Variants in ABCA13 observed in about 807,000 individuals in gnomAD.
ABCA13 encodes ATP binding cassette subfamily A member 13, also known as ATP-binding cassette sub-family A member 13.
ABCA13 carries 476 observed loss-of-function variants against 478.7 expected under a neutral mutation model. The ratio of observed to expected loss-of-function variants is 0.99; its 90% CI spans 0.92 to 1.07. ABCA13 has a LOEUF of 1.07. ABCA13 is among the 50% of genes least tolerant of loss of function. ABCA13 has a pLI of 0.00. For missense variants in ABCA13, 6,060 were observed against 5,910.6 expected, an observed-to-expected ratio of 1.03 and a Z score of -0.83; for synonymous variants, 2,252 against 2,158.9, an observed-to-expected ratio of 1.04 and a Z score of -1.20.
At chr7:48,430,009 G>A (rs927386015) in intron 42 of ABCA13, among the ~76,000 whole-genome samples, 2 of 152,080 alleles carry the variant, frequency 1.3e-5, no homozygotes, top group Non-Finnish European at 2.9e-5. Context: ...TTTTCTTGCA[G>A]TGTCTTTGGC....
At chr7:48,172,675 G>A (rs374246855) in intron 1 of ABCA13, among the ~76,000 whole-genome samples, 7 of 151,096 alleles carry the variant, frequency 4.6e-5, no homozygotes, top group East Asian at 3.9e-4. Context: ...GCGGACGTCT[G>A]TAGTCCCAGC....
At chr7:48,612,137 A>T (rs1430544240) in intron 58 of ABCA13, 2 of 152,132 alleles carry the variant, frequency 1.3e-5, no homozygotes, top group African/African-American at 4.8e-5. Flanking sequence ...ATCATGGTTG[A>T]TGTTGACTCA....
In ABCA13 at chr7:48,537,351, ATTG is replaced by A. The variant is rs1430898702; in HGVS notation, c.14354+9012_14354+9014del. 1.2e-4 allele frequency among the ~76,000 whole-genome samples: 19 copies of A among 152,294 alleles called. No individual in the cohort carries two copies. In the East Asian group the frequency reaches 3.3e-3, roughly 26 times the overall value. Reference sequence around the variant, plus strand: ...TCCTAAAAATGTAATAAATCATAGTATTGTTGTTATTCTCTAAATGATGTTAGA... The same window carrying A: ...TCCTAAAAATGTAATAAATCATAGTATTGTTATTCTCTAAATGATGTTAGA... On this transcript the variant is annotated intron_variant, in intron 55 of 61. Coordinates refer to ENST00000435803, the MANE Select transcript of ABCA13 (RefSeq NM_152701.5).
chr7:48,577,267 TAAAG>T (rs1482176925), intron 55 of ABCA13, among the ~76,000 whole-genome samples: 3 of 145,372 alleles, frequency 2.1e-5, no homozygotes, highest in Admixed American at 6.9e-5. Flanking sequence ...AGGAAAATAA[TAAAG>T]AAAAATCAAT....
chr7:48,299,807 A>G (rs1799898124), intron 23 of ABCA13, among the ~76,000 whole-genome samples: 1 of 152,176 alleles, frequency 6.6e-6, no homozygotes, highest in Non-Finnish European at 1.5e-5. Context: ...AGGGCTGTGC[A>G]CAGAGAAGGC....
intron 19 of ABCA13, 70 bp downstream of exon 19, chr7:48,281,522 G>C (rs1205866721): frequency 1.5e-6 from 2 of 1,334,932 alleles, no homozygotes; most frequent in East Asian, 2.5e-5. Context: ...GTGTCAGAGA[G>C]ATGAGTATAT....
chr7:48,269,206 T>C, intron 16 of ABCA13, 112 bp downstream of exon 16: 1 of 622,276 alleles, frequency 1.6e-6, no homozygotes, highest in Non-Finnish European at 2.8e-6. Flanking sequence ...GATTTAGATA[T>C]TGACACAATC....
chr7:48,341,928 CTCATATATATATAT>C (rs1238832150), intron 29 of ABCA13, among the ~76,000 whole-genome samples: 1,989 of 89,800 alleles, frequency 0.022, 35 homozygotes, highest in Admixed American at 0.031. Flanking sequence ...TATATATATA[CTCATATATATATAT>C]TCATATATAT....
intron 55 of ABCA13, among the ~76,000 whole-genome samples, chr7:48,547,906 A>G (rs1003621688): frequency 1.3e-5 from 2 of 151,776 alleles, no homozygotes; most frequent in Admixed American, 6.6e-5. Flanking sequence ...AGTATTTTAA[A>G]CTTACAATAG....
chr7:48,183,385 C>T (rs902158828), intron 1 of ABCA13, among the ~76,000 whole-genome samples: 1 of 152,162 alleles, frequency 6.6e-6, no homozygotes, highest in Non-Finnish European at 1.5e-5. Flanking sequence ...GTCCAGGTAC[C>T]ATCACAAATT....
At chr7:48,436,296 C>T (rs2129153468) in intron 42 of ABCA13, among the ~76,000 whole-genome samples, 1 of 151,794 alleles carries the variant, frequency 6.6e-6, no homozygotes, top group East Asian at 1.9e-4. Context: ...TTATCTAGGT[C>T]ATCAAATATG....
intron 5 of ABCA13, among the ~76,000 whole-genome samples, chr7:48,221,939 T>C (rs1390697691): frequency 6.6e-6 from 1 of 152,236 alleles, no homozygotes; most frequent in Non-Finnish European, 1.5e-5. Flanking sequence ...TCTTCCTTGC[T>C]CATATTGCAG....
chr7:48,180,622 T>C (rs1014721578), intron 1 of ABCA13, among the ~76,000 whole-genome samples: 6 of 152,120 alleles, frequency 3.9e-5, no homozygotes, highest in Non-Finnish European at 7.3e-5. Flanking sequence ...AGATGGGGTT[T>C]CACCCTGTTG....
intron 55 of ABCA13, among the ~76,000 whole-genome samples, chr7:48,561,275 G>C (rs1786430821): frequency 1.3e-5 from 2 of 151,980 alleles, no homozygotes; most frequent in Non-Finnish European, 2.9e-5. Flanking sequence ...CAGAATTGCT[G>C]GGTCAAATAA....
chr7:48,361,045 C>T (rs1263950639), intron 31 of ABCA13, among the ~76,000 whole-genome samples: 3 of 150,790 alleles, frequency 2.0e-5, no homozygotes, highest in Non-Finnish European at 4.4e-5. Flanking sequence ...ACAGTGAGCC[C>T]AGATCATGCC....
At chr7:48,319,132 G>A (rs1803027139) in intron 27 of ABCA13, among the ~76,000 whole-genome samples, 1 of 152,166 alleles carries the variant, frequency 6.6e-6, no homozygotes, top group Non-Finnish European at 1.5e-5. Flanking sequence ...CCCCTGTGAG[G>A]TGGAGACGGG....
At chr7:48,639,518 C>T (rs928045209) in intron 59 of ABCA13, among the ~76,000 whole-genome samples, 6 of 152,140 alleles carry the variant, frequency 3.9e-5, no homozygotes, top group African/African-American at 1.4e-4. Context: ...CGTGAGACCA[C>T]GGGAGGCCTG....
At chr7:48,368,584 C>T (rs1812068958) in intron 32 of ABCA13, among the ~76,000 whole-genome samples, 1 of 151,316 alleles carries the variant, frequency 6.6e-6, no homozygotes, top group Non-Finnish European at 1.5e-5. Flanking sequence ...TGAGTTACTT[C>T]GCTTAGAATA....
At chr7:48,588,400 C>G (rs1254850189) in intron 57 of ABCA13, among the ~76,000 whole-genome samples, 3 of 152,208 alleles carry the variant, frequency 2.0e-5, no homozygotes. Context: ...CAGCCTCTTA[C>G]AATGCATCTC....
Sources: gnomAD v4.1 joint callset for allele counts (sites outside exome capture counted in the v4.1 genomes callset) on GRCh38, gnomAD v4.1.1 for gene constraint, MANE v1.5 for transcripts, NCBI Gene and HGNC (gene_info 2026-07-23, HGNC 2026-07-21) for gene names.